Variants in CACNB2 observed in about 807,000 individuals in gnomAD.
The protein encoded by CACNB2 is voltage-dependent L-type calcium channel subunit beta-2.
A neutral mutation model predicts 73.3 loss-of-function variants in CACNB2; 42 were observed. The ratio of observed to expected loss-of-function variants is 0.57; its 90% CI spans 0.45 to 0.74. CACNB2 has a LOEUF of 0.74. Among genes scored for constraint, CACNB2 ranks in the 30% least tolerant of loss-of-function variants. The pLI, the probability that CACNB2 is intolerant of heterozygous loss-of-function variation, is 0.00. For synonymous variants in CACNB2, 348 were observed against 310.3 expected, an observed-to-expected ratio of 1.12 and a Z score of -1.28; for missense variants, 940 against 853.0, an observed-to-expected ratio of 1.10 and a Z score of -1.27.
chr10:18,262,312 C>T (rs1287277259), intron 2 of CACNB2, among the ~76,000 whole-genome samples: 2 of 22,888 alleles, frequency 8.7e-5, no homozygotes, highest in Admixed American at 7.1e-4. Context: ...GAAATGGTGA[C>T]GGGGTGGGGT....
intron 2 of CACNB2, among the ~76,000 whole-genome samples, chr10:18,356,429 T>C (rs1259958142): frequency 6.6e-6 from 1 of 152,166 alleles, no homozygotes; most frequent in Non-Finnish European, 1.5e-5. Context: ...TTATTGTTGT[T>C]GTTATTATTT....
chr10:18,517,920 GTAAT>G (rs1328112537), intron 7 of CACNB2, among the ~76,000 whole-genome samples: 3 of 152,172 alleles, frequency 2.0e-5, no homozygotes, highest in Non-Finnish European at 4.4e-5. Flanking sequence ...TCTTTCCTCT[GTAAT>G]TAACCATGTT....
At chr10:18,410,801 G>A (rs576710125) in intron 3 of CACNB2, among the ~76,000 whole-genome samples, 1 of 152,184 alleles carries the variant, frequency 6.6e-6, no homozygotes, top group East Asian at 1.9e-4. Context: ...CCAGCATGGT[G>A]AAACCCCATC....
intron 10 of CACNB2, among the ~76,000 whole-genome samples, chr10:18,531,584 C>A (rs1268501082): frequency 6.6e-6 from 1 of 152,166 alleles, no homozygotes; most frequent in Non-Finnish European, 1.5e-5. Context: ...TGAGGAATTA[C>A]CATACTGTCT....
At chr10:18,453,073 T>C (rs987183991) in intron 3 of CACNB2, among the ~76,000 whole-genome samples, 2 of 152,158 alleles carry the variant, frequency 1.3e-5, no homozygotes, top group African/African-American at 4.8e-5. Flanking sequence ...CTGATCCACT[T>C]TTCTCCATCT....
chr10:18,176,223 T>C (rs973271028), intron 2 of CACNB2, among the ~76,000 whole-genome samples: 4 of 152,146 alleles, frequency 2.6e-5, no homozygotes, highest in African/African-American at 9.7e-5. Context: ...TTACCAGTTA[T>C]TGCGGGGGTC....
intron 3 of CACNB2, among the ~76,000 whole-genome samples, chr10:18,450,818 A>G (rs1389333803): frequency 6.6e-6 from 1 of 151,842 alleles, no homozygotes; most frequent in Non-Finnish European, 1.5e-5. Flanking sequence ...TCATATTTTT[A>G]GTAGAGACGG....
chr10:18,370,372 A>G (rs2042527783), intron 2 of CACNB2, among the ~76,000 whole-genome samples: 1 of 152,128 alleles, frequency 6.6e-6, no homozygotes, highest in South Asian at 2.1e-4. Flanking sequence ...GGGTAGGCTC[A>G]CTGCAGCTTC....
At chr10:18,367,433 A>G (rs943312785) in intron 2 of CACNB2, among the ~76,000 whole-genome samples, 9 of 152,220 alleles carry the variant, frequency 5.9e-5, no homozygotes, top group Admixed American at 3.9e-4. Flanking sequence ...TCTTTTTTAA[A>G]AAACTTGATT....
At chr10:18,506,910 C>G (rs902052078) in intron 6 of CACNB2, among the ~76,000 whole-genome samples, 3 of 152,206 alleles carry the variant, frequency 2.0e-5, no homozygotes, top group African/African-American at 7.2e-5. Flanking sequence ...GTGATCCCCC[C>G]ACCTCCGCTT....
In CACNB2 at chr10:18,316,314, A is replaced by G. The variant is rs555368442; in HGVS notation, c.214-85610A>G. Among the ~76,000 whole-genome samples the G allele has an allele frequency of 2.6e-5, 4 of 152,272 alleles. No individual in the cohort carries two copies. The East Asian group carries it at 7.7e-4, about 29-fold the overall frequency. On this transcript the variant is annotated intron_variant, in intron 2 of 13. Coordinates refer to ENST00000324631, the MANE Select transcript of CACNB2 (RefSeq NM_201596.3). ...AGGAGCTGGTATAAATTAAGTTCTCAATAATGTTGGGTAGCTGCCTAGTCC... is the reference window on the plus strand; with the variant it reads ...AGGAGCTGGTATAAATTAAGTTCTCGATAATGTTGGGTAGCTGCCTAGTCC...
chr10:18,166,380 C>T (rs763908021), intron 2 of CACNB2, among the ~76,000 whole-genome samples: 6 of 152,048 alleles, frequency 3.9e-5, no homozygotes, highest in Non-Finnish European at 5.9e-5. Flanking sequence ...CTCAGCCTCC[C>T]GAGTAACTGG....
At chr10:18,221,478 A>G (rs1564355247) in intron 2 of CACNB2, among the ~76,000 whole-genome samples, 1 of 152,174 alleles carries the variant, frequency 6.6e-6, no homozygotes, top group Non-Finnish European at 1.5e-5. Context: ...CAGGAGTTCG[A>G]GACCAGCCTG....
chr10:18,538,568 A>C (rs377392323), intron 13 of CACNB2, among the ~76,000 whole-genome samples: 81 of 152,264 alleles, frequency 5.3e-4, no homozygotes, highest in African/African-American at 1.8e-3. Flanking sequence ...TACACAGACT[A>C]CCGAAACTTT....
chr10:18,220,140 TATATATATATATATACACAC>T (rs1232714760), intron 2 of CACNB2, among the ~76,000 whole-genome samples: 1 of 37,590 alleles, frequency 2.7e-5, no homozygotes, highest in Non-Finnish European at 4.1e-5. Flanking sequence ...TATATATATA[TATATATATATATATACACAC>T]ACACACACAC....
In CACNB2 at chr10:18,539,280, T is replaced by C. The variant is rs191856144; in HGVS notation, c.1539T>C (p.Ala513=). Residue 513 remains alanine, a synonymous_variant, in exon 14 of 14, where the codon GCT becomes GCC. Coordinates refer to ENST00000324631, the MANE Select transcript of CACNB2 (RefSeq NM_201596.3). ...RTDRSAPIRS[A]SQAEEEPSVE... ...ATCGCTCCGCTCCTATCCGTTCTGC[T>C]TCCCAAGCTGAAGAAGAACCTAGTG... The C allele has an allele frequency of 2.3e-5, 37 of 1,613,868 alleles. No individual in the cohort carries two copies. In the East Asian group the frequency reaches 7.6e-4, roughly 33 times the overall value.
intron 3 of CACNB2, among the ~76,000 whole-genome samples, chr10:18,459,562 A>G (rs1252259690): frequency 6.6e-6 from 1 of 152,232 alleles, no homozygotes; most frequent in African/African-American, 2.4e-5. Flanking sequence ...GGCATGACCA[A>G]TGCTTGGGTG....
intron 2 of CACNB2, among the ~76,000 whole-genome samples, chr10:18,229,206 TATTA>T (rs1415560684): frequency 6.6e-6 from 1 of 152,224 alleles, no homozygotes; most frequent in African/African-American, 2.4e-5. Context: ...AATATTAGAA[TATTA>T]ATTAAGGAAA....
chr10:18,457,908 A>G (rs2047367294), intron 3 of CACNB2, among the ~76,000 whole-genome samples: 2 of 152,228 alleles, frequency 1.3e-5, no homozygotes, highest in South Asian at 4.1e-4. Context: ...GAAAAAAAAA[A>G]GGAGAAAATG....
Sources: allele counts gnomAD v4.1 joint callset (sites outside exome capture counted in the v4.1 genomes callset), GRCh38; gene constraint gnomAD v4.1.1; transcripts MANE v1.5; gene names NCBI Gene and HGNC (gene_info 2026-07-23, HGNC 2026-07-21).